The following L3MBTL3 variants were observed in gnomAD, a reference collection of about 807,000 sequenced individuals.
L3MBTL3 encodes the protein lethal(3)malignant brain tumor-like protein 3.
In L3MBTL3, 27 loss-of-function variants were observed where a neutral mutation model predicts 102.3. The ratio of observed to expected loss-of-function variants is 0.26; its 90% confidence interval spans 0.19 to 0.36. The LOEUF is 0.36. L3MBTL3 is among the 10% of genes least tolerant of loss of function. L3MBTL3 has a pLI of 1.00. For missense variants in L3MBTL3, 798 were observed against 955.3 expected (o/e 0.84, Z 2.17); for synonymous variants, 340 against 320.9 (o/e 1.06, Z -0.64).
At chr6:130,128,872 C>G (rs1786805918) in intron 20 of L3MBTL3, among the ~76,000 whole-genome samples, 1 of 152,130 alleles carries the variant, frequency 6.6e-6, no homozygotes, top group African/African-American at 2.4e-5. Context: ...ATTCTTTTAT[C>G]TCGCTGGAAG....
intron 14 of L3MBTL3, among the ~76,000 whole-genome samples, chr6:130,079,501 G>A (rs1432237132): frequency 6.6e-6 from 1 of 152,124 alleles, no homozygotes; most frequent in Non-Finnish European, 1.5e-5. Flanking sequence ...GTATTTGTGC[G>A]TACATCACTA....
At chr6:130,031,031 A>T (rs772765354) in intron 2 of L3MBTL3, among the ~76,000 whole-genome samples, 18 of 152,244 alleles carry the variant, frequency 1.2e-4, no homozygotes, top group Non-Finnish European at 1.5e-4. Context: ...ATTTGTGGAT[A>T]CATGAGTCCT....
chr6:130,087,824 G>A (rs1483894844), intron 16 of L3MBTL3, among the ~76,000 whole-genome samples: 1 of 151,432 alleles, frequency 6.6e-6, no homozygotes, highest in African/African-American at 2.4e-5. Context: ...TTTACATTAT[G>A]TTATGATATC....
intron 5 of L3MBTL3, among the ~76,000 whole-genome samples, chr6:130,050,864 A>G (rs1781051266): frequency 6.6e-6 from 1 of 152,254 alleles, no homozygotes; most frequent in Non-Finnish European, 1.5e-5. Flanking sequence ...TCATTCATCA[A>G]AAGATTATAA....
intron 2 of L3MBTL3, among the ~76,000 whole-genome samples, chr6:130,034,922 G>A (rs186601615): frequency 6.6e-4 from 100 of 152,296 alleles, no homozygotes; most frequent in African/African-American, 2.2e-3. Context: ...GGAGTGAACC[G>A]TACACCTCCT....
intron 20 of L3MBTL3, among the ~76,000 whole-genome samples, chr6:130,129,570 C>G (rs1387188453): frequency 6.6e-6 from 1 of 152,152 alleles, no homozygotes; most frequent in East Asian, 1.9e-4. Context: ...TGGAAGCACA[C>G]AACCCGAAAC....
At chr6:130,137,888 C>T (rs1787876506) in intron 22 of L3MBTL3, 1 of 152,236 alleles carries the variant, frequency 6.6e-6, no homozygotes, top group Non-Finnish European at 1.5e-5. Context: ...ACTGTCATAG[C>T]ACAAGCAAAT....
At chr6:130,103,230 A>G (rs1255917518) in intron 18 of L3MBTL3, among the ~76,000 whole-genome samples, 2 of 152,254 alleles carry the variant, frequency 1.3e-5, no homozygotes, top group Non-Finnish European at 2.9e-5. Flanking sequence ...TTAAGCTAAC[A>G]TTATATAAAT....
intron 10 of L3MBTL3, among the ~76,000 whole-genome samples, chr6:130,064,595 A>G (rs1782123734): frequency 6.6e-6 from 1 of 151,732 alleles, no homozygotes; most frequent in Non-Finnish European, 1.5e-5. Flanking sequence ...AGAGGAGGAG[A>G]GTTGCTTCAG....
intron 20 of L3MBTL3, among the ~76,000 whole-genome samples, chr6:130,123,723 A>G (rs1437456534): frequency 6.6e-6 from 1 of 152,074 alleles, no homozygotes; most frequent in Non-Finnish European, 1.5e-5. Flanking sequence ...TTTTGTATGA[A>G]AGAGATTTGG....
intron 18 of L3MBTL3, among the ~76,000 whole-genome samples, chr6:130,101,215 A>G (rs1784665045): frequency 6.6e-6 from 1 of 152,218 alleles, no homozygotes; most frequent in Non-Finnish European, 1.5e-5. Flanking sequence ...TGTCATAAAC[A>G]GAGTCAGGAA....
intron 1 of L3MBTL3, chr6:130,020,608 C>G (rs1778938592): frequency 1.3e-5 from 2 of 152,040 alleles, no homozygotes; most frequent in African/African-American, 4.8e-5. Flanking sequence ...GTGGGGGTAA[C>G]TAGCCGCTTT....
At chr6:130,049,684 T>C (rs1780967591) in intron 4 of L3MBTL3, 72 bp from the exon 5 acceptor site, 4 of 1,596,588 alleles carry the variant, frequency 2.5e-6, no homozygotes, top group Non-Finnish European at 3.4e-6. Context: ...AGCCTGCCAC[T>C]TTTTTTCTCA....
At chr6:130,064,438 A>T in intron 10 of L3MBTL3, among the ~76,000 whole-genome samples, 1 of 152,142 alleles carries the variant, frequency 6.6e-6, no homozygotes, top group Non-Finnish European at 1.5e-5. Context: ...GACTAGATTC[A>T]TGGGAGTGAG....
At chr6:130,063,912 A>G (rs2114938560) in intron 10 of L3MBTL3, among the ~76,000 whole-genome samples, 1 of 152,294 alleles carries the variant, frequency 6.6e-6, no homozygotes, top group South Asian at 2.1e-4. Flanking sequence ...CTCCTTCTTG[A>G]TTGACTTCAG....
intron 14 of L3MBTL3, among the ~76,000 whole-genome samples, chr6:130,080,932 G>A (rs1005269476): frequency 1.3e-5 from 2 of 152,128 alleles, no homozygotes; most frequent in Non-Finnish European, 2.9e-5. Flanking sequence ...TTCTCTAAGG[G>A]CAGATTCCTG....
At chr6:130,108,158 G>T (rs1785099927) in intron 19 of L3MBTL3, among the ~76,000 whole-genome samples, 1 of 149,140 alleles carries the variant, frequency 6.7e-6, no homozygotes, top group Admixed American at 6.7e-5. Flanking sequence ...GATGAAAAAT[G>T]CAAATATGAA....
chr6:130,044,916 T>TGCCTATTC (rs978351522), intron 3 of L3MBTL3, among the ~76,000 whole-genome samples: 1 of 152,204 alleles, frequency 6.6e-6, no homozygotes, highest in Admixed American at 6.5e-5. Context: ...TTTGCCTATT[T>TGCCTATTC]TATCCTACCT....
At chr6:130,024,877 G>C (rs971069727) in intron 2 of L3MBTL3, among the ~76,000 whole-genome samples, 2 of 152,150 alleles carry the variant, frequency 1.3e-5, no homozygotes, top group Admixed American at 1.3e-4. Context: ...GAGGGCTCTA[G>C]CACTCTTTGG....
Sources: gnomAD v4.1 joint callset for allele counts (sites outside exome capture counted in the v4.1 genomes callset) on GRCh38, gnomAD v4.1.1 for gene constraint, MANE v1.5 for transcripts, NCBI Gene and HGNC (gene_info 2026-07-23, HGNC 2026-07-21) for gene names.